DEFB116: variants seen among roughly 807,000 people sequenced by gnomAD.
DEFB116 encodes beta-defensin 116.
A neutral mutation model predicts 2.8 loss-of-function variants in DEFB116; 5 were observed. That is an observed-to-expected ratio of 1.80 (90% CI 0.94 to 3.79). The LOEUF (loss-of-function observed/expected upper bound fraction) is 3.79, where lower values mean the gene tolerates loss of function less well. Ranked by LOEUF, DEFB116 falls within the 30% of genes most tolerant of loss-of-function variation. DEFB116 has a pLI of 0.00. For missense variants in DEFB116, 170 were observed against 118.0 expected, an observed-to-expected ratio of 1.44 and a Z score of -2.04; for synonymous variants, 56 against 40.8, an observed-to-expected ratio of 1.37 and a Z score of -1.42.
At position 31,303,370 on chromosome 20, in the gene DEFB116, A is replaced by G; in HGVS notation, c.151T>C (p.Cys51Arg). The G allele has an allele frequency of 6.2e-7, 1 of 1,613,560 alleles. No homozygotes were observed. Among genetic ancestry groups the G allele is most frequent in the Non-Finnish European group, 8.5e-7 (1 of 1,179,610 alleles). Residue 51 changes from cysteine to arginine, a missense_variant, in exon 2 of 2, where the codon TGC becomes CGC. Transcript: ENST00000400549. Reference sequence around the variant, plus strand: ...AAGTATTGGATTTCATATTCTCTGCAGGCGTTTCTGCACATGCCTTGGTAA... The same window carrying G: ...AAGTATTGGATTTCATATTCTCTGCGGGCGTTTCTGCACATGCCTTGGTAA... Reference protein sequence around the residue: ...ELYQGMCRNACREYEIQYLTC... With the variant: ...ELYQGMCRNARREYEIQYLTC...
At chr20:31,308,138 G>A (rs1301661483) in intron 1 of DEFB116, among the ~76,000 whole-genome samples, 1 of 151,882 alleles carries the variant, frequency 6.6e-6, no homozygotes, top group Non-Finnish European at 1.5e-5. Context: ...TATCTCTAAG[G>A]TCTTACAACC....
At chr20:31,304,556 G>C (rs1984950495) in intron 1 of DEFB116, among the ~76,000 whole-genome samples, 1 of 152,014 alleles carries the variant, frequency 6.6e-6, no homozygotes, top group Non-Finnish European at 1.5e-5. Flanking sequence ...TTCAATTTCT[G>C]GTCTACATGA....
chr20:31,307,658 A>G (rs73611981), intron 1 of DEFB116, among the ~76,000 whole-genome samples: 85 of 152,186 alleles, frequency 5.6e-4, no homozygotes, highest in African/African-American at 2.0e-3. Flanking sequence ...ATATTTGCAA[A>G]TCATATATCT....
chr20:31,303,276 T>G lies in DEFB116; in HGVS notation c.245A>C (p.Lys82Thr). The change falls in exon 2 of 2, where the codon AAG becomes ACG. Residue 82 changes from lysine to threonine, a missense_variant. Lys to Thr is a moderately conservative substitution (Grantham distance 78, BLOSUM62 -1). Coordinates refer to ENST00000400549, the MANE Select transcript of DEFB116 (RefSeq NM_001037731.1). Reference protein sequence around the residue: ...SVKITSSKNVKEDYDSNSNLS... With the variant: ...SVKITSSKNVTEDYDSNSNLS... Reference sequence around the variant, plus strand: ...GTTGGAGTTAGAGTCGTAATCCTCCTTCACATTTTTAGAACTGGTTATTTT... The same window carrying G: ...GTTGGAGTTAGAGTCGTAATCCTCCGTCACATTTTTAGAACTGGTTATTTT... The G allele has an allele frequency of 6.2e-7, 1 of 1,613,616 alleles. No homozygotes were observed. The highest frequency in any genetic ancestry group is 8.5e-7 in the Non-Finnish European group (1 of 1,179,586).
At chr20:31,305,483 T>G (rs887221103) in intron 1 of DEFB116, among the ~76,000 whole-genome samples, 1 of 152,104 alleles carries the variant, frequency 6.6e-6, no homozygotes, top group Non-Finnish European at 1.5e-5. Flanking sequence ...AAATAAATTT[T>G]TTAAATAAAA....
intron 1 of DEFB116, among the ~76,000 whole-genome samples, chr20:31,304,739 C>T (rs1418793758): frequency 6.6e-6 from 1 of 152,056 alleles, no homozygotes; most frequent in Non-Finnish European, 1.5e-5. Flanking sequence ...CCCCCCACTC[C>T]CTCATTCCAC....
At chr20:31,305,052 G>C (rs1210699000) in intron 1 of DEFB116, among the ~76,000 whole-genome samples, 2 of 152,046 alleles carry the variant, frequency 1.3e-5, no homozygotes, top group African/African-American at 4.8e-5. Flanking sequence ...GGAATCCAGA[G>C]AGGGATTTCA....
At chr20:31,306,638 G>A (rs913505917) in intron 1 of DEFB116, among the ~76,000 whole-genome samples, 5 of 152,116 alleles carry the variant, frequency 3.3e-5, no homozygotes, top group Middle Eastern at 3.4e-3. Context: ...AAATAAGGAG[G>A]CATGAGAATG....
chr20:31,304,499 C>T (rs1984949695), intron 1 of DEFB116, among the ~76,000 whole-genome samples: 1 of 152,054 alleles, frequency 6.6e-6, no homozygotes, highest in Non-Finnish European at 1.5e-5. Flanking sequence ...CAAAGAGATG[C>T]TTTGTTTTGT....
At chr20:31,305,770 G>A (rs1984978506) in intron 1 of DEFB116, among the ~76,000 whole-genome samples, 1 of 151,968 alleles carries the variant, frequency 6.6e-6, no homozygotes, top group South Asian at 2.1e-4. Flanking sequence ...AGTCTCCACT[G>A]TGTTTGTGTA....
chr20:31,304,499 CT>C (rs1193114001), intron 1 of DEFB116, among the ~76,000 whole-genome samples: 1 of 152,054 alleles, frequency 6.6e-6, no homozygotes, highest in East Asian at 1.9e-4. Context: ...CAAAGAGATG[CT>C]TTGTTTTGTC....
At chr20:31,307,405 C>G (rs1053388258) in intron 1 of DEFB116, among the ~76,000 whole-genome samples, 1 of 152,004 alleles carries the variant, frequency 6.6e-6, no homozygotes, top group Admixed American at 6.6e-5. Flanking sequence ...ACACCATACA[C>G]AAAAACAAAT....
chr20:31,305,511 G>C (rs1984973373), intron 1 of DEFB116, among the ~76,000 whole-genome samples: 1 of 152,206 alleles, frequency 6.6e-6, no homozygotes. Flanking sequence ...TTTTGTCATA[G>C]ATAGTTACAG....
intron 1 of DEFB116, among the ~76,000 whole-genome samples, chr20:31,306,758 C>T (rs766084969): frequency 2.6e-5 from 4 of 152,018 alleles, no homozygotes; most frequent in African/African-American, 4.8e-5. Flanking sequence ...AACTCACTAT[C>T]GAGGAAGGAA....
intron 1 of DEFB116, among the ~76,000 whole-genome samples, chr20:31,307,981 C>A (rs1336298567): frequency 1.3e-5 from 2 of 152,076 alleles, no homozygotes; most frequent in African/African-American, 2.4e-5. Flanking sequence ...TATACCCCAA[C>A]TCCCAGTTGC....
intron 1 of DEFB116, among the ~76,000 whole-genome samples, chr20:31,307,654 G>A (rs73611980): frequency 1.3e-5 from 2 of 151,996 alleles, no homozygotes; most frequent in Admixed American, 1.3e-4. Context: ...GAAAATATTT[G>A]CAAATCATAT....
chr20:31,308,006 A>G (rs1985033125), intron 1 of DEFB116, among the ~76,000 whole-genome samples: 1 of 152,076 alleles, frequency 6.6e-6, no homozygotes, highest in African/African-American at 2.4e-5. Flanking sequence ...ACTCTACCCC[A>G]GCTCCATTCA....
intron 1 of DEFB116, among the ~76,000 whole-genome samples, chr20:31,304,957 G>A (rs764464306): frequency 2.0e-4 from 30 of 152,064 alleles, no homozygotes; most frequent in Non-Finnish European, 3.2e-4. Flanking sequence ...GTTGGAGAAC[G>A]GGAAGAGAAA....
chr20:31,305,199 A>ACT (rs148290557), intron 1 of DEFB116, among the ~76,000 whole-genome samples: 19 of 150,970 alleles, frequency 1.3e-4, no homozygotes, highest in Non-Finnish European at 1.6e-4. Flanking sequence ...GGACCTGCAC[A>ACT]CTCTCTCTCT....
Sources: allele counts gnomAD v4.1 joint callset (sites outside exome capture counted in the v4.1 genomes callset), GRCh38; gene constraint gnomAD v4.1.1; transcripts MANE v1.5; gene names NCBI Gene and HGNC (gene_info 2026-07-23, HGNC 2026-07-21).